The following PDSS2 variants were observed in gnomAD, a reference collection of about 807,000 sequenced individuals.
PDSS2 encodes all trans-polyprenyl-diphosphate synthase PDSS2.
In PDSS2, 31 loss-of-function variants were observed where a neutral mutation model predicts 44.5. The ratio of observed to expected loss-of-function variants is 0.70; its 90% CI spans 0.52 to 0.94. The LOEUF is 0.94. Ranked by LOEUF, PDSS2 falls within the 40% of genes least tolerant of loss-of-function variation. The pLI is 0.00. For missense variants in PDSS2, 452 were observed against 482.2 expected (o/e 0.94, Z 0.59); for synonymous variants, 157 against 180.3 (o/e 0.87, Z 1.03).
Position 107,153,330 on chromosome 6 carries a change from A to G in PDSS2, c.*1289T>C, listed in dbSNP as rs1172100783. ...GTGCAAACCTCAAAAATCATCTCCT[A>G]TGAACCACACAGAGACAGTGTCCGA... is the stretch of plus-strand genomic sequence containing the variant. On this transcript the variant is annotated 3_prime_UTR_variant, in exon 8 of 8. Coordinates refer to ENST00000369037, the MANE Select transcript of PDSS2 (RefSeq NM_020381.4). 2 of 152,586 alleles carry G rather than the reference A, an allele frequency of 1.3e-5. No homozygotes were observed. The highest frequency in any genetic ancestry group is 4.8e-5 in the African/African-American group (2 of 41,452). The allele number at this position is 152,586 out of a possible 1,614,324, so 9.5% of individuals were successfully genotyped here. A position where few individuals can be genotyped will look rare whatever the true frequency, so the allele number is the denominator to read the frequency against.
chr6:107,440,696 A>G (rs764616173), intron 1 of PDSS2, among the ~76,000 whole-genome samples: 1 of 152,248 alleles, frequency 6.6e-6, no homozygotes, highest in Admixed American at 6.5e-5. Context: ...CTGGCTCATC[A>G]TGCCAGAAAA....
intron 2 of PDSS2, among the ~76,000 whole-genome samples, chr6:107,278,073 C>G (rs949016266): frequency 6.6e-6 from 1 of 151,800 alleles, no homozygotes; most frequent in African/African-American, 2.4e-5. Context: ...ATAATAATCA[C>G]ATAAAGATAC....
At chr6:107,213,767 C>T (rs982619573) in intron 4 of PDSS2, among the ~76,000 whole-genome samples, 3 of 151,790 alleles carry the variant, frequency 2.0e-5, no homozygotes, top group Admixed American at 6.6e-5. Context: ...AACAAAGAAA[C>T]AAACAAAGCA....
chr6:107,433,056 A>G (rs1781241216), intron 1 of PDSS2, among the ~76,000 whole-genome samples: 1 of 152,214 alleles, frequency 6.6e-6, no homozygotes, highest in African/African-American at 2.4e-5. Flanking sequence ...ATTTCACAAC[A>G]TAATGTCCTC....
chr6:107,336,155 T>C (rs1187857605), intron 1 of PDSS2, among the ~76,000 whole-genome samples: 1 of 149,232 alleles, frequency 6.7e-6, no homozygotes, highest in Non-Finnish European at 1.5e-5. Context: ...CTCAGGGGGC[T>C]GAGGCAGGAG....
intron 1 of PDSS2, among the ~76,000 whole-genome samples, chr6:107,418,257 G>A (rs116072231): frequency 6.6e-6 from 1 of 152,296 alleles, no homozygotes; most frequent in African/African-American, 2.4e-5. Context: ...AAAGAGGAAG[G>A]CAGGAGGGTC....
Position 107,377,846 on chromosome 6 carries a change from T to TG in PDSS2, c.297-43515dup, listed in dbSNP as rs1168525414. Among the ~76,000 whole-genome samples the TG allele has an allele frequency of 3.3e-5, 5 of 150,078 alleles. No homozygotes were observed. The East Asian group carries it at 9.8e-4, about 29-fold the overall frequency. ...ATGGGAACTGAACAATGAGAACACA[T>TG]GGACACAGGAAGGGGAACATCACAC... On this transcript the variant is annotated intron_variant, in intron 1 of 7. Coordinates refer to ENST00000369037, the MANE Select transcript of PDSS2 (RefSeq NM_020381.4).
At chr6:107,422,737 G>T (rs1261356636) in intron 1 of PDSS2, among the ~76,000 whole-genome samples, 1 of 152,046 alleles carries the variant, frequency 6.6e-6, no homozygotes, top group East Asian at 1.9e-4. Context: ...TGGCCATGCA[G>T]GCTATACACC....
intron 4 of PDSS2, among the ~76,000 whole-genome samples, chr6:107,240,221 A>T (rs1774371662): frequency 6.6e-6 from 1 of 152,078 alleles, no homozygotes; most frequent in South Asian, 2.1e-4. Context: ...TAATTTGGGC[A>T]GTATGGTGAG....
chr6:107,327,570 C>A (rs569317541), intron 2 of PDSS2, among the ~76,000 whole-genome samples: 47 of 152,338 alleles, frequency 3.1e-4, no homozygotes, highest in African/African-American at 1.1e-3. Context: ...CAATTCTCTG[C>A]CTCAGTCTCC....
intron 4 of PDSS2, among the ~76,000 whole-genome samples, chr6:107,234,134 T>G (rs532896975): frequency 1.3e-5 from 2 of 152,304 alleles, no homozygotes; most frequent in African/African-American, 4.8e-5. Context: ...CCAATTACAG[T>G]AAAGCCTGGT....
chr6:107,335,081 T>C (rs1300936296), intron 1 of PDSS2, among the ~76,000 whole-genome samples: 1 of 149,060 alleles, frequency 6.7e-6, no homozygotes, highest in Non-Finnish European at 1.5e-5. Context: ...GAGCCCAGGG[T>C]TGGGGGGGTG....
chr6:107,276,434 A>C lies in PDSS2; in HGVS notation c.432-2207T>G, dbSNP rs146460233. 1.6e-4 allele frequency among the ~76,000 whole-genome samples: 24 copies of C among 152,260 alleles called. No homozygotes were observed. The East Asian group carries it at 4.6e-3, about 29-fold the overall frequency. On this transcript the variant is annotated intron_variant, in intron 2 of 7. Transcript: ENST00000369037. ...TGTGTGGTTGGGGGGAGGGTGGATA[A>C]CTTGTCCTTTTAGTTCCTAGGTCCC...
In PDSS2 at chr6:107,334,217, C is replaced by T. The variant is rs773153983; in HGVS notation, c.412G>A (p.Val138Ile). 1.2e-6 allele frequency: 2 copies of T among 1,613,672 alleles called. No homozygotes were observed. The highest frequency in any genetic ancestry group is 1.7e-6 in the Non-Finnish European group (2 of 1,179,740). Residue 138 changes from valine (V) to isoleucine (I), a missense_variant, in exon 2 of 8, where the codon GTC becomes ATC. Transcript: ENST00000369037. ...VNTSCQNYDM[V>I]SGIYSCQRSL... ...TCTTACCATGAGTAGATCCCACTGACCATGTCATAGTTCTGACATGAAGTG... is the reference window on the plus strand; with the variant it reads ...TCTTACCATGAGTAGATCCCACTGATCATGTCATAGTTCTGACATGAAGTG...
intron 4 of PDSS2, among the ~76,000 whole-genome samples, chr6:107,223,694 G>C (rs960476413): frequency 6.6e-5 from 10 of 151,274 alleles, no homozygotes; most frequent in Non-Finnish European, 7.4e-5. Context: ...AGCTTGGGCA[G>C]CAGAGTAAAA....
chr6:107,213,292 T>C (rs1395775669), intron 4 of PDSS2, among the ~76,000 whole-genome samples: 1 of 149,822 alleles, frequency 6.7e-6, no homozygotes, highest in Non-Finnish European at 1.5e-5. Flanking sequence ...ATTACAGGCA[T>C]AAGCCACCAC....
chr6:107,349,326 G>A (rs1353845989), intron 1 of PDSS2, among the ~76,000 whole-genome samples: 2 of 152,070 alleles, frequency 1.3e-5, no homozygotes, highest in African/African-American at 4.8e-5. Flanking sequence ...CCAGCTACTC[G>A]TGAGGCTGAG....
At chr6:107,205,215 C>T (rs973030878) in intron 6 of PDSS2, among the ~76,000 whole-genome samples, 3 of 152,188 alleles carry the variant, frequency 2.0e-5, no homozygotes, top group African/African-American at 7.2e-5. Flanking sequence ...CGAGTTACAG[C>T]TTAGCAATGG....
intron 2 of PDSS2, among the ~76,000 whole-genome samples, chr6:107,297,809 A>G (rs1392685702): frequency 2.0e-5 from 3 of 151,108 alleles, no homozygotes; most frequent in Non-Finnish European, 4.4e-5. Context: ...GCAATGGCGC[A>G]ATCTCCGCTC....
Sources: allele counts gnomAD v4.1 joint callset (sites outside exome capture counted in the v4.1 genomes callset), GRCh38; gene constraint gnomAD v4.1.1; transcripts MANE v1.5; gene names NCBI Gene and HGNC (gene_info 2026-07-23, HGNC 2026-07-21).